NAALADL2: variants seen among roughly 807,000 people sequenced by gnomAD.
NAALADL2 encodes inactive N-acetylated-alpha-linked acidic dipeptidase-like protein 2.
NAALADL2 carries 76 observed loss-of-function variants against 87.2 expected under a neutral mutation model. That is an observed-to-expected ratio of 0.87 (90% CI 0.72 to 1.05). The LOEUF (loss-of-function observed/expected upper bound fraction) is 1.05, where lower values mean the gene tolerates loss of function less well. Ranked by LOEUF, NAALADL2 falls within the 50% of genes least tolerant of loss-of-function variation. The probability of loss-of-function intolerance (pLI) is 0.00; values close to 1 mark genes in which losing one functional copy is unlikely to be tolerated. For missense variants in NAALADL2, 1,089 were observed against 945.8 expected (o/e 1.15, Z -1.99); for synonymous variants, 354 against 331.0 (o/e 1.07, Z -0.75).
At chr3:175,192,769 A>G (rs569230844) in intron 2 of NAALADL2, among the ~76,000 whole-genome samples, 2 of 152,132 alleles carry the variant, frequency 1.3e-5, no homozygotes, top group Non-Finnish European at 2.9e-5. Flanking sequence ...TCATCAAATC[A>G]GTAGTTGTTT....
intron 11 of NAALADL2, among the ~76,000 whole-genome samples, chr3:175,688,115 G>C (rs1052833208): frequency 6.6e-6 from 1 of 152,092 alleles, no homozygotes; most frequent in South Asian, 2.1e-4. Flanking sequence ...CTAAAGTTAA[G>C]ATACTAAAGT....
chr3:174,757,795 G>T (rs1053879150), intron 3 of NAALADL2, among the ~76,000 whole-genome samples: 1 of 152,098 alleles, frequency 6.6e-6, no homozygotes. Flanking sequence ...GAGCCACTGT[G>T]CCCAGCCTAG....
chr3:174,589,386 A>G (rs1717109733), intron 2 of NAALADL2, among the ~76,000 whole-genome samples: 1 of 151,926 alleles, frequency 6.6e-6, no homozygotes, highest in Non-Finnish European at 1.5e-5. Flanking sequence ...CCACTGTCTG[A>G]CAAGCCCCAG....
chr3:175,630,379 C>T (rs898373061), intron 11 of NAALADL2, among the ~76,000 whole-genome samples: 3 of 151,334 alleles, frequency 2.0e-5, no homozygotes, highest in African/African-American at 4.8e-5. Flanking sequence ...CTCATAATGC[C>T]CTTCCTCGCT....
At chr3:175,334,012 T>C (rs1050712304) in intron 5 of NAALADL2, among the ~76,000 whole-genome samples, 1 of 152,204 alleles carries the variant, frequency 6.6e-6, no homozygotes, top group Non-Finnish European at 1.5e-5. Context: ...TTTTGACATC[T>C]TTGTATGTTT....
At chr3:174,743,823 A>G (rs1283450048) in intron 3 of NAALADL2, among the ~76,000 whole-genome samples, 1 of 151,842 alleles carries the variant, frequency 6.6e-6, no homozygotes, top group Non-Finnish European at 1.5e-5. Flanking sequence ...TTTCATTTAT[A>G]TAAATTTAGA....
chr3:174,575,628 A>G (rs1715443692), intron 2 of NAALADL2, among the ~76,000 whole-genome samples: 1 of 152,218 alleles, frequency 6.6e-6, no homozygotes, highest in Non-Finnish European at 1.5e-5. Flanking sequence ...ATCTTAAGGA[A>G]TATTCCATTG....
intron 5 of NAALADL2, among the ~76,000 whole-genome samples, chr3:175,360,425 A>G (rs1291921378): frequency 6.6e-6 from 1 of 152,020 alleles, no homozygotes; most frequent in Non-Finnish European, 1.5e-5. Context: ...TTCTTTTTGT[A>G]AACAGCCTAA....
At chr3:174,455,446 A>C (rs183199025) in intron 1 of NAALADL2, among the ~76,000 whole-genome samples, 1 of 152,274 alleles carries the variant, frequency 6.6e-6, no homozygotes, top group Admixed American at 6.5e-5. Flanking sequence ...TTAGGCCAAC[A>C]TCCTTGATGC....
At chr3:175,021,886 T>G (rs1055535373) in intron 1 of NAALADL2, among the ~76,000 whole-genome samples, 1 of 152,068 alleles carries the variant, frequency 6.6e-6, no homozygotes. Flanking sequence ...CCCCTTCAGA[T>G]CTCAAGTTGA....
At chr3:174,976,680 A>G (rs1744401603) in intron 1 of NAALADL2, among the ~76,000 whole-genome samples, 1 of 152,250 alleles carries the variant, frequency 6.6e-6, no homozygotes, top group Non-Finnish European at 1.5e-5. Flanking sequence ...TAGAGAAACT[A>G]CCATCAAATA....
intron 2 of NAALADL2, among the ~76,000 whole-genome samples, chr3:175,148,423 G>A (rs1731090320): frequency 6.6e-6 from 1 of 151,916 alleles, no homozygotes; most frequent in African/African-American, 2.4e-5. Flanking sequence ...TTCTTTTGCT[G>A]TGCAAAAGCT....
At chr3:175,412,294 A>G (rs1474647430) in intron 5 of NAALADL2, among the ~76,000 whole-genome samples, 1 of 152,190 alleles carries the variant, frequency 6.6e-6, no homozygotes, top group East Asian at 1.9e-4. Context: ...GTGTGTTTAT[A>G]TAATTTTGTT....
intron 1 of NAALADL2, among the ~76,000 whole-genome samples, chr3:174,900,870 G>C (rs1344976062): frequency 6.6e-6 from 1 of 151,844 alleles, no homozygotes; most frequent in African/African-American, 2.4e-5. Context: ...ATATCAGTAA[G>C]CTTCTTTAGA....
At chr3:175,302,690 A>G (rs1757228057) in intron 4 of NAALADL2, among the ~76,000 whole-genome samples, 1 of 152,112 alleles carries the variant, frequency 6.6e-6, no homozygotes, top group Non-Finnish European at 1.5e-5. Context: ...CTAGTATAGT[A>G]CAGTATGTTA....
At position 174,981,353 on chromosome 3, in the gene NAALADL2, T is replaced by A. The variant is rs997849082; in HGVS notation, c.44-115437T>A. Among the ~76,000 whole-genome samples the A allele has an allele frequency of 3.3e-5, 5 of 152,290 alleles. No individual in the cohort carries two copies. The South Asian group carries it at 6.2e-4, about 19-fold the overall frequency. ...TAATCTTTATAAACCCCAACATTTT[T>A]AAAAGTATTTTAAGTGGCTTCAGAA... On this transcript the variant is annotated intron_variant, in intron 1 of 13. Transcript: ENST00000454872.
At chr3:174,996,985 T>C (rs1319379290) in intron 1 of NAALADL2, among the ~76,000 whole-genome samples, 1 of 149,262 alleles carries the variant, frequency 6.7e-6, no homozygotes, top group Non-Finnish European at 1.5e-5. Context: ...CTGAGTAGTA[T>C]TCCAAGGGGT....
intron 4 of NAALADL2, among the ~76,000 whole-genome samples, chr3:175,263,074 G>A (rs1314095383): frequency 1.3e-5 from 2 of 151,016 alleles, no homozygotes; most frequent in Admixed American, 6.6e-5. Flanking sequence ...CATTTGTCAT[G>A]GACAACATGG....
chr3:174,976,125 A>T (rs1448319965), intron 1 of NAALADL2, among the ~76,000 whole-genome samples: 1 of 152,192 alleles, frequency 6.6e-6, no homozygotes, highest in African/African-American at 2.4e-5. Flanking sequence ...ACTTAATTTG[A>T]TTCATTATTT....
Sources: gnomAD v4.1 joint callset for allele counts (sites outside exome capture counted in the v4.1 genomes callset) on GRCh38, gnomAD v4.1.1 for gene constraint, MANE v1.5 for transcripts, NCBI Gene and HGNC (gene_info 2026-07-23, HGNC 2026-07-21) for gene names.